Variants in DPP10 observed in about 807,000 individuals in gnomAD.
The protein encoded by DPP10 is dipeptidyl peptidase like 10.
Under a neutral mutation model 120.9 loss-of-function variants are expected in DPP10, and 33 were observed. The observed-to-expected ratio is 0.27, with a 90% CI of 0.21 to 0.37. The LOEUF (loss-of-function observed/expected upper bound fraction) is 0.37, where lower values mean the gene tolerates loss of function less well. Among genes scored for constraint, DPP10 ranks in the 10% least tolerant of loss-of-function variants. DPP10 has a pLI of 1.00. For synonymous variants in DPP10, 337 were observed against 326.1 expected, an observed-to-expected ratio of 1.03 and a Z score of -0.36; for missense variants, 816 against 942.8, an observed-to-expected ratio of 0.87 and a Z score of 1.76.
At chr2:115,689,977 T>C (rs959656389) in intron 7 of DPP10, 56 bp downstream of exon 7, 2 of 1,534,572 alleles carry the variant, frequency 1.3e-6, no homozygotes, top group Admixed American at 2.1e-5. Context: ...TTATGGAAGA[T>C]GTTAACTGAA....
chr2:114,951,419 C>T (rs1277140208), intron 1 of DPP10, among the ~76,000 whole-genome samples: 2 of 152,108 alleles, frequency 1.3e-5, no homozygotes, highest in African/African-American at 2.4e-5. Flanking sequence ...TTCCTCTATG[C>T]TTGGTAAATA....
At chr2:114,768,947 A>T (rs1680994083) in intron 1 of DPP10, among the ~76,000 whole-genome samples, 1 of 152,280 alleles carries the variant, frequency 6.6e-6, no homozygotes, top group African/African-American at 2.4e-5. Context: ...CCTGAATGGC[A>T]TTATAAGGCA....
rs375858356 is a variant in DPP10 at position 114,813,941 on chromosome 2, AACACACAC to A, written c.60+371142_60+371149del. Among the ~76,000 whole-genome samples, 1,294 of 139,472 alleles carry A rather than the reference AACACACAC, an allele frequency of 9.3e-3. 8 individuals are homozygous for A. The highest frequency in any genetic ancestry group is 0.022 in the Middle Eastern group (6 of 270). 91.5% of individuals were successfully genotyped at this position (139,472 alleles called of 152,430 possible). A position where few individuals can be genotyped will look rare whatever the true frequency, so the allele number is the denominator to read the frequency against. ...CCTGTGGCTTACAGTGGCACGCATG[AACACACAC>A]ACACACACACACACACACACACACA... On this transcript the variant is annotated intron_variant, in intron 1 of 25. Coordinates refer to ENST00000410059, the MANE Select transcript of DPP10 (RefSeq NM_020868.6).
At chr2:115,233,915 G>A (rs2057867320) in intron 1 of DPP10, 1 of 517,560 alleles carries the variant, frequency 1.9e-6, no homozygotes, top group East Asian at 5.5e-5. Context: ...CTTCTGCCCA[G>A]TAGTATCAGG....
chr2:114,728,274 T>C (rs922124813), intron 1 of DPP10, among the ~76,000 whole-genome samples: 3 of 152,180 alleles, frequency 2.0e-5, no homozygotes, highest in Admixed American at 6.5e-5. Context: ...CAGCACTTTC[T>C]GCTCTAGGTC....
chr2:115,142,398 G>A (rs2050976557), intron 1 of DPP10, among the ~76,000 whole-genome samples: 2 of 152,154 alleles, frequency 1.3e-5, no homozygotes. Context: ...CAAAGGCTGG[G>A]AAGAAAGCAA....
chr2:115,042,359 C>T (rs574592776), intron 1 of DPP10, among the ~76,000 whole-genome samples: 2 of 152,048 alleles, frequency 1.3e-5, no homozygotes, highest in Non-Finnish European at 1.5e-5. Context: ...TTCTGCCTCA[C>T]GGGTTCAAGT....
At chr2:115,790,869 A>G (rs534212669) in intron 17 of DPP10, among the ~76,000 whole-genome samples, 2 of 152,288 alleles carry the variant, frequency 1.3e-5, no homozygotes, top group African/African-American at 2.4e-5. Flanking sequence ...GAAAACGTAA[A>G]TGATAAATTT....
chr2:114,717,112 A>C (rs2105890621), intron 1 of DPP10, among the ~76,000 whole-genome samples: 1 of 152,324 alleles, frequency 6.6e-6, no homozygotes, highest in Non-Finnish European at 1.5e-5. Context: ...TTATATCTTA[A>C]CTTAAAATTG....
At chr2:115,033,848 G>T (rs1014176298) in intron 1 of DPP10, among the ~76,000 whole-genome samples, 1 of 148,532 alleles carries the variant, frequency 6.7e-6, no homozygotes, top group Admixed American at 6.7e-5. Flanking sequence ...CTACATGCGT[G>T]AGCCACTGTG....
intron 21 of DPP10, among the ~76,000 whole-genome samples, chr2:115,829,483 T>G (rs1688706039): frequency 6.6e-6 from 1 of 152,178 alleles, no homozygotes; most frequent in East Asian, 1.9e-4. Flanking sequence ...TTTGAAAATA[T>G]TCTTGGCTCA....
At chr2:115,830,358 CA>C (rs545749288) in intron 21 of DPP10, among the ~76,000 whole-genome samples, 14,302 of 71,260 alleles carry the variant, frequency 0.2, 1,923 homozygotes, top group African/African-American at 0.4. Context: ...AATTCTGTCT[CA>C]AAAAAAAAAA....
At chr2:114,796,320 T>C (rs537539992) in intron 1 of DPP10, among the ~76,000 whole-genome samples, 1 of 151,420 alleles carries the variant, frequency 6.6e-6, no homozygotes, top group African/African-American at 2.4e-5. Flanking sequence ...GCAGATGGAG[T>C]TGCCACCATT....
intron 1 of DPP10, among the ~76,000 whole-genome samples, chr2:114,913,585 C>G (rs1215664409): frequency 6.6e-6 from 1 of 152,142 alleles, no homozygotes; most frequent in Non-Finnish European, 1.5e-5. Context: ...TCCAAAGTGG[C>G]AATTTTAAAG....
chr2:114,931,776 G>T (rs574537771), intron 1 of DPP10, among the ~76,000 whole-genome samples: 18 of 152,138 alleles, frequency 1.2e-4, no homozygotes, highest in Non-Finnish European at 4.4e-5. Flanking sequence ...AGGATCTTCT[G>T]TGAAAAAAAG....
chr2:115,279,501 A>G (rs1230336980), intron 1 of DPP10, among the ~76,000 whole-genome samples: 4 of 151,682 alleles, frequency 2.6e-5, no homozygotes, highest in Admixed American at 6.6e-5. Flanking sequence ...TTCAGTTGAC[A>G]TTTTCTTTTG....
intron 1 of DPP10, among the ~76,000 whole-genome samples, chr2:115,133,143 G>GTATATATATATATATATA (rs1238047393): frequency 3.1e-5 from 1 of 32,002 alleles, no homozygotes; most frequent in Non-Finnish European, 6.0e-5. Flanking sequence ...GTGTGTGTGT[G>GTATATATATATATATATA]TGTATATATA....
chr2:115,614,865 G>A (rs2084375139), intron 5 of DPP10, among the ~76,000 whole-genome samples: 1 of 152,054 alleles, frequency 6.6e-6, no homozygotes, highest in African/African-American at 2.4e-5. Flanking sequence ...GTGAATCCTG[G>A]ATACACAGAA....
chr2:114,498,605 T>C (rs1403435923), intron 1 of DPP10, among the ~76,000 whole-genome samples: 1 of 152,168 alleles, frequency 6.6e-6, no homozygotes, highest in Non-Finnish European at 1.5e-5. Context: ...TCTTGTTGCA[T>C]TGTCCTTTGG....
Sources: gnomAD v4.1 joint callset for allele counts (sites outside exome capture counted in the v4.1 genomes callset) on GRCh38, gnomAD v4.1.1 for gene constraint, MANE v1.5 for transcripts, NCBI Gene and HGNC (gene_info 2026-07-23, HGNC 2026-07-21) for gene names.